UBE3C: variants seen among roughly 807,000 people sequenced by gnomAD.
The protein encoded by UBE3C is ubiquitin protein ligase E3C.
A neutral mutation model predicts 129.4 loss-of-function variants in UBE3C; 42 were observed. That is an observed-to-expected ratio of 0.32 (90% CI 0.25 to 0.42). The LOEUF is 0.42. Among genes scored for constraint, UBE3C ranks in the 10% least tolerant of loss-of-function variants. The probability of loss-of-function intolerance (pLI) is 1.00; values close to 1 mark genes in which losing one functional copy is unlikely to be tolerated. For missense variants in UBE3C, 1,049 were observed against 1,319.1 expected (o/e 0.80, Z 3.17); for synonymous variants, 510 against 492.4 (o/e 1.04, Z -0.47).
At chr7:157,261,968 C>G (rs1796928142) in intron 22 of UBE3C, among the ~76,000 whole-genome samples, 1 of 152,172 alleles carries the variant, frequency 6.6e-6, no homozygotes, top group Non-Finnish European at 1.5e-5. Flanking sequence ...ACTTTTAAGT[C>G]TCCAAGTAGG....
At position 157,267,810 on chromosome 7, in the gene UBE3C, C is replaced by T. The variant is rs1412946789; in HGVS notation, c.*55C>T. The T allele has an allele frequency of 1.0e-5, 15 of 1,483,718 alleles. No homozygotes were observed. Among genetic ancestry groups the T allele is most frequent in the African/African-American group, 2.9e-5 (2 of 70,156 alleles). The allele number at this position is 1,483,718 out of a possible 1,614,324, so 91.9% of individuals were successfully genotyped here. A position where few individuals can be genotyped will look rare whatever the true frequency, so the allele number is the denominator to read the frequency against. ...GAACCAGTGCTTCCTTCGTCAGCAG[C>T]GCCTCCCCAGACCCACGAGGATACT... On this transcript the variant is annotated 3_prime_UTR_variant, in exon 23 of 23. Transcript: ENST00000348165.
intron 22 of UBE3C, among the ~76,000 whole-genome samples, chr7:157,259,070 G>A (rs549569418): frequency 1.3e-5 from 2 of 152,276 alleles, no homozygotes; most frequent in South Asian, 2.1e-4. Context: ...TCTGACATAC[G>A]GCACTTACCT....
At chr7:157,218,185 C>A (rs1253803072) in intron 14 of UBE3C, among the ~76,000 whole-genome samples, 1 of 152,150 alleles carries the variant, frequency 6.6e-6, no homozygotes, top group East Asian at 1.9e-4. Context: ...GTGGCTCATG[C>A]CTGTAATCCC....
At chr7:157,248,731 C>A in intron 19 of UBE3C, 151 bp downstream of exon 19, 1 of 788,248 alleles carries the variant, frequency 1.3e-6, no homozygotes. Flanking sequence ...GCATATAGCT[C>A]CAAAGCACCT....
chr7:157,141,949 G>C (rs1807465294), intron 1 of UBE3C, among the ~76,000 whole-genome samples: 1 of 152,238 alleles, frequency 6.6e-6, no homozygotes, highest in Non-Finnish European at 1.5e-5. Flanking sequence ...CTGGGTCCTA[G>C]ATGATACGCA....
chr7:157,170,117 G>A (rs887882239), intron 3 of UBE3C, among the ~76,000 whole-genome samples, 187 bp from the exon 4 acceptor site: 1 of 134,856 alleles, frequency 7.4e-6, no homozygotes, highest in Admixed American at 7.4e-5. Flanking sequence ...ACCATGCCTG[G>A]TTTTTTTTTT....
intron 10 of UBE3C, chr7:157,197,761 T>A: frequency 6.2e-7 from 1 of 1,612,684 alleles, no homozygotes; most frequent in East Asian, 2.2e-5. Flanking sequence ...ACATCCAGGA[T>A]CCTGTGTGTA....
In UBE3C at chr7:157,190,360, T is replaced by A. The variant is rs182041920; in HGVS notation, c.1331+3339T>A. 3.3e-5 allele frequency among the ~76,000 whole-genome samples: 5 copies of A among 152,236 alleles called. No individual in the cohort carries two copies. The East Asian group carries it at 9.7e-4, about 30-fold the overall frequency. On this transcript the variant is annotated intron_variant, in intron 10 of 22. Transcript: ENST00000348165. ...TGTTTTGGTGAACAGGCCCGTCATCTACTTGGTTGTCTGTACCTGCAGCCT... is the reference window on the plus strand; with the variant it reads ...TGTTTTGGTGAACAGGCCCGTCATCAACTTGGTTGTCTGTACCTGCAGCCT...
intron 18 of UBE3C, among the ~76,000 whole-genome samples, chr7:157,232,288 G>A (rs555093037): frequency 5.3e-5 from 8 of 152,248 alleles, no homozygotes; most frequent in African/African-American, 1.9e-4. Context: ...TTGTCTTTTG[G>A]GGGGACACAG....
rs1394963095 is a variant in UBE3C, at chr7:157,183,945, A to C, written c.1059A>C (p.Pro353=). 2 of 1,614,048 alleles carry C rather than the reference A, an allele frequency of 1.2e-6. No homozygotes were observed. Among genetic ancestry groups the C allele is most frequent in the African/African-American group, 2.7e-5 (2 of 74,914 alleles). The change falls in exon 9 of 23, where the codon CCA becomes CCC. Residue 353 remains proline (P), a synonymous_variant. Coordinates refer to ENST00000348165, the MANE Select transcript of UBE3C (RefSeq NM_014671.3). ...TGCAGACCTTCCTCTCTCAGTTACC[A>C]GTCTCTCCTGCCAGCGCGAGCTGTC... ...RVLQTFLSQL[P]VSPASASCHD...
At chr7:157,256,819 A>T in intron 21 of UBE3C, 95 bp from the exon 22 acceptor site, 1 of 1,514,726 alleles carries the variant, frequency 6.6e-7, no homozygotes, top group Non-Finnish European at 8.9e-7. Flanking sequence ...GGATCCATGG[A>T]CTTTAGTTTC....
intron 4 of UBE3C, among the ~76,000 whole-genome samples, chr7:157,171,799 C>T (rs535563630): frequency 7.7e-5 from 11 of 142,306 alleles, no homozygotes; most frequent in Non-Finnish European, 1.2e-4. Flanking sequence ...CTCCGCCTCA[C>T]GGGTTCAAGC....
chr7:157,228,679 G>T (rs1459587751), intron 17 of UBE3C, among the ~76,000 whole-genome samples: 3 of 152,200 alleles, frequency 2.0e-5, no homozygotes, highest in Non-Finnish European at 4.4e-5. Context: ...GAGGTGGCGG[G>T]CACGGCAGGG....
At chr7:157,192,800 G>A in intron 10 of UBE3C, 1 of 1,296,628 alleles carries the variant, frequency 7.7e-7, no homozygotes. Flanking sequence ...AATGTTGTCT[G>A]ACTACTGCTT....
chr7:157,182,264 A>G lies in UBE3C; in HGVS notation c.927A>G (p.Ser309=). The part of the protein sequence containing the change: ...NALLLIESRC[S]RKSGGAPWLF... ...TGTTGTTAATAGAGAGTAGATGTTC[A>G]AGAAAGAGTGGTGGAGCACCCTGGC... Residue 309 remains serine, a synonymous_variant, in exon 8 of 23, where the codon TCA becomes TCG. Transcript: ENST00000348165. 3.7e-6 allele frequency: 6 copies of G among 1,614,250 alleles called. No individual in the cohort carries two copies. Among genetic ancestry groups the G allele is most frequent in the Non-Finnish European group, 5.1e-6 (6 of 1,180,046 alleles).
intron 16 of UBE3C, 96 bp from the exon 17 acceptor site, chr7:157,225,310 AT>A (rs1795846030): frequency 7.2e-7 from 1 of 1,397,908 alleles, no homozygotes; most frequent in African/African-American, 1.5e-5. Context: ...TTCAGAATTT[AT>A]GAAGATACAA....
intron 22 of UBE3C, among the ~76,000 whole-genome samples, chr7:157,261,897 A>G (rs1477751999): frequency 6.6e-6 from 1 of 152,236 alleles, no homozygotes; most frequent in African/African-American, 2.4e-5. Flanking sequence ...GTTGTACTGT[A>G]TTTAATTATG....
intron 18 of UBE3C, among the ~76,000 whole-genome samples, chr7:157,244,237 A>T (rs568829953): frequency 5.3e-5 from 8 of 152,332 alleles, no homozygotes; most frequent in African/African-American, 1.7e-4. Flanking sequence ...CCGTCTCGAA[A>T]AAAAAGAAAG....
At chr7:157,264,406 TACACACAC>T (rs56147121) in intron 22 of UBE3C, among the ~76,000 whole-genome samples, 2 of 107,588 alleles carry the variant, frequency 1.9e-5, no homozygotes, top group East Asian at 5.9e-4. Context: ...CTCGGCCTGT[TACACACAC>T]ACACACACAC....
Sources: allele counts gnomAD v4.1 joint callset (sites outside exome capture counted in the v4.1 genomes callset), GRCh38; gene constraint gnomAD v4.1.1; transcripts MANE v1.5; gene names NCBI Gene and HGNC (gene_info 2026-07-23, HGNC 2026-07-21).